ABCC2: variants seen among roughly 807,000 people sequenced by gnomAD.
ABCC2 encodes the protein ATP binding cassette subfamily C member 2, also known as ATP-binding cassette sub-family C member 2.
A neutral mutation model predicts 173.4 loss-of-function variants in ABCC2; 157 were observed. The ratio of observed to expected loss-of-function variants is 0.91; its 90% CI spans 0.80 to 1.03. The LOEUF is 1.03. Ranked by LOEUF, ABCC2 falls within the 50% of genes least tolerant of loss-of-function variation. The pLI is 0.00. For missense variants in ABCC2, 1,822 were observed against 1,852.3 expected, an observed-to-expected ratio of 0.98 and a Z score of 0.30; for synonymous variants, 657 against 693.5, an observed-to-expected ratio of 0.95 and a Z score of 0.83.
intron 8 of ABCC2, 49 bp downstream of exon 8, chr10:99,799,419 C>T (rs1406920360): frequency 6.2e-7 from 1 of 1,600,894 alleles, no homozygotes; most frequent in Non-Finnish European, 8.6e-7. Context: ...CTCTGCCACC[C>T]TCCTTTTTGC....
intron 19 of ABCC2, among the ~76,000 whole-genome samples, chr10:99,822,677 G>A (rs2038558230): frequency 6.6e-6 from 1 of 151,518 alleles, no homozygotes; most frequent in African/African-American, 2.4e-5. Context: ...AGAAGTAGTA[G>A]TCTGATTTCT....
rs56296335 is a variant in ABCC2 at position 99,850,636 on chromosome 10, G to T, written c.4348G>T (p.Ala1450Ser). 1.1e-4 allele frequency: 176 copies of T among 1,614,210 alleles called. 3 individuals carry two copies. The East Asian group carries it at 1.1e-3, about 10-fold the overall frequency. The change falls in exon 31 of 32, where the codon GCT becomes TCT. Residue 1450 changes from alanine to serine, a missense_variant. Physicochemically the swap from Ala to Ser is moderately conservative, Grantham distance 99 (BLOSUM62 1). Transcript: ENST00000647814. ...GQRQLLCLGR[A>S]LLRKSKILVL... The stretch of plus-strand genomic sequence containing the variant: ...GAGGCAGCTGCTGTGCCTGGGCAGG[G>T]CTCTGCTTCGGAAATCCAAGATCCT...
At chr10:99,847,473 G>A (rs1489848739) in intron 30 of ABCC2, among the ~76,000 whole-genome samples, 3 of 151,984 alleles carry the variant, frequency 2.0e-5, no homozygotes, top group Non-Finnish European at 2.9e-5. Flanking sequence ...ATGGTTGTGG[G>A]CACCTGTAGT....
At chr10:99,818,049 C>A (rs2038453840) in intron 17 of ABCC2, among the ~76,000 whole-genome samples, 1 of 151,980 alleles carries the variant, frequency 6.6e-6, no homozygotes, top group Admixed American at 6.6e-5. Context: ...AAGGTGAAAC[C>A]CCATCTCAAC....
chr10:99,799,188 T>G lies in ABCC2; in HGVS notation c.868-19T>G, dbSNP rs1418801791. The G allele has an allele frequency of 5.0e-6, 8 of 1,613,538 alleles. No individual in the cohort carries two copies. Among genetic ancestry groups the G allele is most frequent in the Non-Finnish European group, 8.5e-7 (1 of 1,179,910 alleles). The stretch of plus-strand genomic sequence containing the variant: ...ACAGACATAACTCTGTGGACACTGT[T>G]GTTTGGTTTTGTACCTAGGAAGATG... On this transcript the variant is annotated intron_variant, in intron 7 of 31. Transcript: ENST00000647814.
intron 14 of ABCC2, 106 bp from the exon 15 acceptor site, chr10:99,811,430 G>C (rs1394680089): frequency 8.7e-7 from 1 of 1,150,526 alleles, no homozygotes; most frequent in Non-Finnish European, 1.3e-6. Context: ...CCAGCACTTA[G>C]CAGAAACAAT....
intron 6 of ABCC2, among the ~76,000 whole-genome samples, chr10:99,795,177 C>G (rs2132979908): frequency 6.6e-6 from 1 of 152,178 alleles, no homozygotes; most frequent in East Asian, 1.9e-4. Flanking sequence ...GTCTATGAAT[C>G]CCTTCTCAGG....
At position 99,843,711 on chromosome 10, in the gene ABCC2, A is replaced by G; in HGVS notation, c.3742-88A>G. ...AGAGTCCAGCACAGTGCTGGGTACA[A>G]AGTCGGCACTGGATTGTCCTTGTGG... On this transcript the variant is annotated intron_variant, in intron 26 of 31. Coordinates refer to ENST00000647814, the MANE Select transcript of ABCC2 (RefSeq NM_000392.5). 3 of 1,070,598 alleles carry G rather than the reference A, an allele frequency of 2.8e-6. No homozygotes were observed. In the South Asian group the frequency reaches 3.7e-5, roughly 13 times the overall value. 66.3% of individuals were successfully genotyped at this position (1,070,598 alleles called of 1,614,324 possible). A position where few individuals can be genotyped will look rare whatever the true frequency, so the allele number is the denominator to read the frequency against.
At chr10:99,829,625 C>T (rs1314327789) in intron 19 of ABCC2, among the ~76,000 whole-genome samples, 1 of 152,050 alleles carries the variant, frequency 6.6e-6, no homozygotes, top group African/African-American at 2.4e-5. Flanking sequence ...ATTTGAATTT[C>T]AAGATGAGCA....
intron 16 of ABCC2, among the ~76,000 whole-genome samples, chr10:99,814,162 C>CATCT (rs373245901): frequency 3.8e-5 from 1 of 26,618 alleles, no homozygotes; most frequent in African/African-American, 1.6e-4. Context: ...TGTATACACA[C>CATCT]GTATATATAC....
chr10:99,830,410 CT>C lies in ABCC2; in HGVS notation c.2727del (p.Arg910ValfsTer15). The C allele has an allele frequency of 6.2e-7, 1 of 1,614,230 alleles. No homozygotes were observed. Among genetic ancestry groups the C allele is most frequent in the South Asian group, 1.1e-5 (1 of 91,090 alleles). ...ASITMRRENSFRRTLSRSSRS... is the reference protein window; with the variant it reads ...ASITMRRENSXRRTLSRSSRS... Reference sequence around the variant, plus strand: ...CCATAACCATGAGAAGAGAGAACAGCTTTCGTCGAACACTTAGCCGCAGGTT... The same window carrying C: ...CCATAACCATGAGAAGAGAGAACAGCTTCGTCGAACACTTAGCCGCAGGTT... On this transcript the variant is annotated frameshift_variant, in exon 20 of 32. Transcript: ENST00000647814. LOFTEE classifies it high-confidence loss of function.
intron 2 of ABCC2, among the ~76,000 whole-genome samples, chr10:99,787,416 G>A (rs2037733330): frequency 6.6e-6 from 1 of 151,964 alleles, no homozygotes; most frequent in African/African-American, 2.4e-5. Flanking sequence ...TATCTATGCT[G>A]TACCATTGCT....
chr10:99,822,339 C>A (rs929073545), intron 19 of ABCC2, among the ~76,000 whole-genome samples: 3 of 151,562 alleles, frequency 2.0e-5, no homozygotes, highest in Non-Finnish European at 4.4e-5. Flanking sequence ...CCCAAGTTGG[C>A]GGCTCTGCCT....
intron 2 of ABCC2, among the ~76,000 whole-genome samples, chr10:99,791,634 A>G (rs1424369322): frequency 6.6e-6 from 1 of 152,172 alleles, no homozygotes; most frequent in African/African-American, 2.4e-5. Flanking sequence ...GGTTACTGGC[A>G]TGTGAAGTCT....
At position 99,805,994 on chromosome 10, in the gene ABCC2, G is replaced by A. The variant is rs185252917; in HGVS notation, c.1530+547G>A. On this transcript the variant is annotated intron_variant, in intron 11 of 31. Transcript: ENST00000647814. Reference sequence around the variant, plus strand: ...CTTTTGTTTGTTTTGCTGTTGGTTAGATTGAATAAGGACCCAAAAAATGTC... The same window carrying A: ...CTTTTGTTTGTTTTGCTGTTGGTTAAATTGAATAAGGACCCAAAAAATGTC... Among the ~76,000 whole-genome samples, 473 of 151,974 alleles carry A rather than the reference G, an allele frequency of 3.1e-3. 6 individuals carry two copies. Among genetic ancestry groups the A allele is most frequent in the South Asian group, 1.9e-3 (9 of 4,812 alleles).
chr10:99,786,727 G>T (rs1297285415), intron 2 of ABCC2, among the ~76,000 whole-genome samples: 1 of 152,016 alleles, frequency 6.6e-6, no homozygotes, highest in African/African-American at 2.4e-5. Context: ...ACATTCGGCT[G>T]GGCATGGTGG....
At chr10:99,828,115 T>C (rs1406802497) in intron 19 of ABCC2, among the ~76,000 whole-genome samples, 2 of 150,642 alleles carry the variant, frequency 1.3e-5, no homozygotes, top group Non-Finnish European at 3.0e-5. Context: ...CCCATACTAA[T>C]GGTAAACATT....
At chr10:99,825,917 A>G (rs966067526) in intron 19 of ABCC2, among the ~76,000 whole-genome samples, 2 of 152,122 alleles carry the variant, frequency 1.3e-5, no homozygotes, top group Admixed American at 6.6e-5. Context: ...GTCCCTGAAA[A>G]CCCTGAGGAA....
chr10:99,834,796 C>T lies in ABCC2; in HGVS notation c.3414+261C>T, dbSNP rs369059282. 3.3e-4 allele frequency among the ~76,000 whole-genome samples: 51 copies of T among 152,274 alleles called. 2 individuals are homozygous for T. In the South Asian group the frequency reaches 8.5e-3, roughly 25 times the overall value. On this transcript the variant is annotated intron_variant, in intron 24 of 31. Coordinates refer to ENST00000647814, the MANE Select transcript of ABCC2 (RefSeq NM_000392.5). ...CCCTTCACTCCCTGGAAGCTTAGGT[C>T]GGACAGATTTACGTTTGGATCCAAG...
Sources: allele counts gnomAD v4.1 joint callset (sites outside exome capture counted in the v4.1 genomes callset), GRCh38; gene constraint gnomAD v4.1.1; transcripts MANE v1.5; gene names NCBI Gene and HGNC (gene_info 2026-07-23, HGNC 2026-07-21).